MAN2A2: variants seen among roughly 807,000 people sequenced by gnomAD.
MAN2A2 encodes alpha-mannosidase 2x.
MAN2A2 carries 79 observed loss-of-function variants against 126.8 expected under a neutral mutation model. That is an observed-to-expected ratio of 0.62 (90% CI 0.52 to 0.75). MAN2A2 has a LOEUF of 0.75. MAN2A2 is among the 30% of genes least tolerant of loss of function. MAN2A2 has a pLI of 0.00. For synonymous variants in MAN2A2, 671 were observed against 618.7 expected, an observed-to-expected ratio of 1.08 and a Z score of -1.25; for missense variants, 1,392 against 1,522.4, an observed-to-expected ratio of 0.91 and a Z score of 1.43.
At chr15:90,906,109 A>G in intron 5 of MAN2A2, 93 bp downstream of exon 5, 1 of 1,543,626 alleles carries the variant, frequency 6.5e-7, no homozygotes, top group Non-Finnish European at 8.9e-7. Flanking sequence ...CCAAGGTGGC[A>G]GGGAGAGGCC....
At chr15:90,902,491 G>C (rs1345590174), upstream of MAN2A2, 1 of 152,254 alleles carries the variant, frequency 6.6e-6, no homozygotes, top group African/African-American at 2.4e-5. Context: ...ACGGAGGCGG[G>C]CGTTTCGACC....
intron 6 of MAN2A2, 115 bp from the exon 7 acceptor site, chr15:90,906,625 A>G: frequency 5.1e-6 from 8 of 1,565,608 alleles, no homozygotes; most frequent in Non-Finnish European, 7.0e-6. Flanking sequence ...GCCTGGTGTG[A>G]TATCATCTCT....
At position 90,907,295 on chromosome 15, in the gene MAN2A2, T is replaced by C. The variant is rs748904883; in HGVS notation, c.1010-14T>C. 6.2e-6 allele frequency: 10 copies of C among 1,609,936 alleles called. No individual in the cohort carries two copies. The highest frequency in any genetic ancestry group is 8.5e-6 in the Non-Finnish European group (10 of 1,176,946). ...CTGCCTGCTGGTGGTGACCACGTGG[T>C]GTGTCTCCTGCAGACTCGGACTCCA... On this transcript the variant is annotated splice_polypyrimidine_tract_variant and intron_variant, in intron 7 of 22. Coordinates refer to ENST00000559717, the MANE Select transcript of MAN2A2 (RefSeq NM_006122.4).
intron 6 of MAN2A2, 35 bp downstream of exon 6, chr15:90,906,532 T>A (rs1555434974): frequency 6.2e-7 from 1 of 1,613,918 alleles, no homozygotes; most frequent in Non-Finnish European, 8.5e-7. Context: ...GTCTGCCCCC[T>A]GGGCTGTAAG....
chr15:90,904,300 C>CGATCCCACCCGA lies in MAN2A2; in HGVS notation c.94_105dup (p.Asp32_Arg35dup). On this transcript the variant is annotated inframe_insertion, in exon 2 of 23. Transcript: ENST00000559717. ...ACCTCATGCTGGACCGAGTGCAACA[C>CGATCCCACCCGA]GATCCCACCCGACACCAGAATGGTG... 1 of 1,614,134 alleles carries CGATCCCACCCGA rather than the reference C, an allele frequency of 6.2e-7. No individual in the cohort carries two copies. Among genetic ancestry groups the CGATCCCACCCGA allele is most frequent in the Non-Finnish European group, 8.5e-7 (1 of 1,180,012 alleles).
At chr15:90,904,744 C>T (rs145534888) in intron 2 of MAN2A2, among the ~76,000 whole-genome samples, 1,821 of 152,256 alleles carry the variant, frequency 0.012, 47 homozygotes, top group African/African-American at 0.042. Context: ...AGCCTGCCAC[C>T]ATGCCCGACT....
At chr15:90,910,049 G>C in intron 9 of MAN2A2, 41 bp from the exon 10 acceptor site, 1 of 1,564,352 alleles carries the variant, frequency 6.4e-7, no homozygotes, top group Non-Finnish European at 8.7e-7. Flanking sequence ...TTTGCAGGAG[G>C]CTCTAGAACT....
chr15:90,911,890 G>C (rs1027686349), intron 14 of MAN2A2, 153 bp from the exon 15 acceptor site: 2 of 694,370 alleles, frequency 2.9e-6, no homozygotes, highest in Non-Finnish European at 5.0e-6. Context: ...TGATGAGGAA[G>C]AAAGGGCAAA....
At chr15:90,905,112 A>C (rs543859643) in intron 2 of MAN2A2, 139 bp from the exon 3 acceptor site, 2 of 876,386 alleles carry the variant, frequency 2.3e-6, no homozygotes, top group South Asian at 3.2e-5. Flanking sequence ...GAACGGTGTC[A>C]TCTATCCCTC....
intron 8 of MAN2A2, 73 bp from the exon 9 acceptor site, chr15:90,909,254 C>G: frequency 6.9e-7 from 1 of 1,456,320 alleles, no homozygotes. Context: ...GGCTTGCTGG[C>G]GGGATGGCTG....
chr15:90,917,289 G>A (rs1418532573), intron 20 of MAN2A2, among the ~76,000 whole-genome samples: 1 of 152,358 alleles, frequency 6.6e-6, no homozygotes, highest in Admixed American at 6.5e-5. Context: ...AGTGCTAGGG[G>A]GAGATCAGGG....
At chr15:90,914,718 C>A (rs2035034021) in intron 19 of MAN2A2, among the ~76,000 whole-genome samples, 1 of 152,172 alleles carries the variant, frequency 6.6e-6, no homozygotes, top group South Asian at 2.1e-4. Flanking sequence ...TGGGGTTTCA[C>A]CATGTTGGCC....
chr15:90,916,470 T>C (rs767210891), intron 20 of MAN2A2: 4 of 1,129,382 alleles, frequency 3.5e-6, no homozygotes, highest in Non-Finnish European at 5.0e-6. Flanking sequence ...CTGTCACCTG[T>C]GCCCCTCATG....
At chr15:90,917,201 AG>A (rs1474205650) in intron 20 of MAN2A2, among the ~76,000 whole-genome samples, 1 of 152,228 alleles carries the variant, frequency 6.6e-6, no homozygotes, top group Admixed American at 6.5e-5. Context: ...CAAGTGGCTA[AG>A]TGGCTGCCGT....
At position 90,911,447 on chromosome 15, in the gene MAN2A2, A is replaced by G. The variant is rs757444506; in HGVS notation, c.2006A>G (p.Asn669Ser). 3.3e-5 allele frequency: 53 copies of G among 1,613,814 alleles called. No homozygotes were observed. Among genetic ancestry groups the G allele is most frequent in the Non-Finnish European group, 4.5e-5 (53 of 1,179,938 alleles). Reference sequence around the variant, plus strand: ...TTCAGCATGGTGTCCCTGCTGGTCAACTCTCCCCGCGTGCGTGTCCTTTCG... The same window carrying G: ...TTCAGCATGGTGTCCCTGCTGGTCAGCTCTCCCCGCGTGCGTGTCCTTTCG... ...ERFSMVSLLV[N>S]SPRVRVLSEE... Residue 669 changes from asparagine (N) to serine (S), a missense_variant, in exon 14 of 23, where the codon AAC becomes AGC. Transcript: ENST00000559717.
At position 90,907,625 on chromosome 15, in the gene MAN2A2, C is replaced by T; in HGVS notation, c.1196+130C>T. On this transcript the variant is annotated intron_variant, in intron 8 of 22. Transcript: ENST00000559717. Reference sequence around the variant, plus strand: ...TAGCCTCTGCAGCAGCAGCTCCTTACTAAGTCTCCTGAAAAACTGGAATGG... The same window carrying T: ...TAGCCTCTGCAGCAGCAGCTCCTTATTAAGTCTCCTGAAAAACTGGAATGG... 5 of 817,484 alleles carry T rather than the reference C, an allele frequency of 6.1e-6. No homozygotes were observed. In the South Asian group the frequency reaches 7.3e-5, roughly 12 times the overall value. 50.6% of individuals were successfully genotyped at this position (817,484 alleles called of 1,614,324 possible).
intron 22 of MAN2A2, among the ~76,000 whole-genome samples, chr15:90,919,417 T>G (rs1033808365): frequency 8.5e-5 from 13 of 152,190 alleles, no homozygotes; most frequent in Non-Finnish European, 1.6e-4. Context: ...TTTTATATTG[T>G]TAGTAGAGAC....
chr15:90,904,281 T>C lies in MAN2A2; in HGVS notation c.74T>C (p.Met25Thr), dbSNP rs916840965. The change falls in exon 2 of 23, where the codon ATG becomes ACG. Residue 25 changes from methionine (M) to threonine (T), a missense_variant. Coordinates refer to ENST00000559717, the MANE Select transcript of MAN2A2 (RefSeq NM_006122.4). The stretch of plus-strand genomic sequence containing the variant: ...GTGGCAGTCTTCTCGCTCTACCTCA[T>C]GCTGGACCGAGTGCAACACGATCCC... ...FCVAVFSLYL[M>T]LDRVQHDPTR... 6.2e-7 allele frequency: 1 copy of C among 1,614,196 alleles called. No individual in the cohort carries two copies. Among genetic ancestry groups the C allele is most frequent in the Non-Finnish European group, 8.5e-7 (1 of 1,180,044 alleles).
At position 90,912,269 on chromosome 15, in the gene MAN2A2, G is replaced by A. The variant is rs1236179587; in HGVS notation, c.2336G>A (p.Gly779Glu). The change falls in exon 15 of 23, where the codon GGG (glycine) becomes GAG (glutamate). Residue 779 changes from glycine (G) to glutamate (E), a missense_variant. Transcript: ENST00000559717. ...CAGGTCTGGTTCTCAGGCCTTACTG[G>A]GCTCCTCAAGGTAAAAGGCCAGGGT... is the stretch of plus-strand genomic sequence containing the variant. ...YMQVWFSGLT[G>E]LLKSIRRVDE... 1.2e-6 allele frequency: 2 copies of A among 1,614,200 alleles called. No homozygotes were observed. The highest frequency in any genetic ancestry group is 1.3e-5 in the African/African-American group (1 of 75,066).
Sources: allele counts gnomAD v4.1 joint callset (sites outside exome capture counted in the v4.1 genomes callset), GRCh38; gene constraint gnomAD v4.1.1; transcripts MANE v1.5; gene names NCBI Gene and HGNC (gene_info 2026-07-23, HGNC 2026-07-21).